Variants in DEPDC5 observed in about 807,000 individuals in gnomAD.
DEPDC5 encodes the protein GATOR1 complex protein DEPDC5.
In DEPDC5, 73 loss-of-function variants were observed where a neutral mutation model predicts 217.3. That is an observed-to-expected ratio of 0.34 (90% CI 0.28 to 0.41). DEPDC5 has a LOEUF of 0.41. Among genes scored for constraint, DEPDC5 ranks in the 10% least tolerant of loss-of-function variants. The probability of loss-of-function intolerance (pLI) is 1.00; values close to 1 mark genes in which losing one functional copy is unlikely to be tolerated. For synonymous variants in DEPDC5, 733 were observed against 756.7 expected (o/e 0.97, Z 0.51); for missense variants, 1,675 against 2,070.1 (o/e 0.81, Z 3.70).
rs564621022 is a variant in DEPDC5 at position 31,805,403 on chromosome 22, C to T, written c.1217+488C>T. ...CTTCCAAGATCCAACTCCAGCATCT[C>T]TCTTTTATGAATTCCTCCTGTGCTG... On this transcript the variant is annotated intron_variant, in intron 17 of 42. Transcript: ENST00000651528. 3.3e-5 allele frequency among the ~76,000 whole-genome samples: 5 copies of T among 152,306 alleles called. No individual in the cohort carries two copies. In the South Asian group the frequency reaches 1.0e-3, roughly 32 times the overall value.
intron 33 of DEPDC5, among the ~76,000 whole-genome samples, chr22:31,866,084 C>G (rs138673421): frequency 6.6e-6 from 1 of 152,100 alleles, no homozygotes; most frequent in Non-Finnish European, 1.5e-5. Flanking sequence ...GACAAGCCCA[C>G]GAGGTGGAAG....
chr22:31,889,516 T>A (rs1322265801), intron 38 of DEPDC5, among the ~76,000 whole-genome samples: 1 of 151,116 alleles, frequency 6.6e-6, no homozygotes, highest in African/African-American at 2.4e-5. Flanking sequence ...AAACACACAG[T>A]GTCCAAGACC....
chr22:31,826,643 A>T (rs369650812), intron 24 of DEPDC5, among the ~76,000 whole-genome samples: 1 of 152,064 alleles, frequency 6.6e-6, no homozygotes, highest in Non-Finnish European at 1.5e-5. Flanking sequence ...TGTGTTAGGC[A>T]TGTTTCCGCA....
Position 31,810,657 on chromosome 22 carries a change from C to G in DEPDC5, c.1445+16C>G. The G allele has an allele frequency of 6.2e-7, 1 of 1,613,886 alleles. No homozygotes were observed. On this transcript the variant is annotated intron_variant, in intron 20 of 42. Coordinates refer to ENST00000651528, the MANE Select transcript of DEPDC5 (RefSeq NM_001242896.3). ...CCACCTGCAGGTTTTCTGCCAGATTCACTTGGGGGTGCATATAAAAATTGT... is the reference window on the plus strand; with the variant it reads ...CCACCTGCAGGTTTTCTGCCAGATTGACTTGGGGGTGCATATAAAAATTGT...
At chr22:31,897,724 G>T in intron 40 of DEPDC5, 71 bp downstream of exon 40, 1 of 1,555,190 alleles carries the variant, frequency 6.4e-7, no homozygotes, top group Non-Finnish European at 8.7e-7. Context: ...CACCACTCTG[G>T]GTATCCAGTC....
chr22:31,798,624 A>G lies in DEPDC5; in HGVS notation c.914A>G (p.Asn305Ser). The G allele has an allele frequency of 6.2e-7, 1 of 1,611,996 alleles. No homozygotes were observed. Among genetic ancestry groups the G allele is most frequent in the Non-Finnish European group, 8.5e-7 (1 of 1,178,632 alleles). Residue 305 changes from asparagine to serine, a missense_variant, in exon 14 of 43, where the codon AAC becomes AGC. Asn to Ser is a conservative substitution (Grantham distance 46). This residue lies in a region of DEPDC5 where 628 missense variants were observed against 762.1 expected (regional missense o/e 0.82). Coordinates refer to ENST00000651528, the MANE Select transcript of DEPDC5 (RefSeq NM_001242896.3). ...GATAATTCTACCTCAGCACAAGGAA[A>G]CTACCTGGAGGCCATCAATCTGTCA... is the stretch of plus-strand genomic sequence containing the variant. Reference protein sequence around the residue: ...QGDNSTSAQGNYLEAINLSFN... With the variant: ...QGDNSTSAQGSYLEAINLSFN...
chr22:31,883,132 C>T (rs954734459), intron 38 of DEPDC5, among the ~76,000 whole-genome samples: 1 of 152,120 alleles, frequency 6.6e-6, no homozygotes, highest in Admixed American at 6.5e-5. Flanking sequence ...CACTACCAGC[C>T]CCACCCAGTG....
At chr22:31,815,889 C>T (rs1196204204) in intron 21 of DEPDC5, 1 of 1,060,572 alleles carries the variant, frequency 9.4e-7, no homozygotes, top group Non-Finnish European at 1.1e-6. Flanking sequence ...AACTGTATGC[C>T]TTTCCATATG....
intron 38 of DEPDC5, among the ~76,000 whole-genome samples, chr22:31,890,070 G>A (rs2093407876): frequency 6.6e-6 from 1 of 152,104 alleles, no homozygotes. Flanking sequence ...GAAAAGAGGA[G>A]AGTTACAAGT....
intron 2 of DEPDC5, among the ~76,000 whole-genome samples, chr22:31,756,784 G>A (rs1466924246): frequency 6.6e-6 from 1 of 151,914 alleles, no homozygotes; most frequent in African/African-American, 2.4e-5. Context: ...AGCCAGGTGT[G>A]GTGGTGCGTG....
At chr22:31,851,710 A>G (rs2092036334) in intron 31 of DEPDC5, among the ~76,000 whole-genome samples, 1 of 152,168 alleles carries the variant, frequency 6.6e-6, no homozygotes, top group South Asian at 2.1e-4. Context: ...CTAGACCTTG[A>G]CTGTATGGTA....
At chr22:31,859,392 T>TC (rs1376434740) in intron 32 of DEPDC5, among the ~76,000 whole-genome samples, 1 of 148,434 alleles carries the variant, frequency 6.7e-6, no homozygotes, top group Non-Finnish European at 1.5e-5. Context: ...CGCCCGGCTT[T>TC]TTTTTTTTTT....
chr22:31,807,054 G>C (rs1246941689), intron 18 of DEPDC5, among the ~76,000 whole-genome samples: 1 of 152,146 alleles, frequency 6.6e-6, no homozygotes, highest in Non-Finnish European at 1.5e-5. Flanking sequence ...ATTGTAACAA[G>C]AGTGGGAATT....
intron 7 of DEPDC5, among the ~76,000 whole-genome samples, chr22:31,775,347 T>G (rs1044451156): frequency 6.6e-5 from 10 of 151,932 alleles, no homozygotes; most frequent in Admixed American, 6.6e-4. Flanking sequence ...GCCTGGCTAA[T>G]TTTTGTGTTT....
intron 14 of DEPDC5, among the ~76,000 whole-genome samples, chr22:31,799,306 G>C (rs560451357): frequency 6.7e-6 from 1 of 150,340 alleles, no homozygotes; most frequent in East Asian, 2.0e-4. Flanking sequence ...GCCTCCCAAA[G>C]TGTTGGGATT....
intron 31 of DEPDC5, 33 bp from the exon 32 acceptor site, chr22:31,857,412 C>A: frequency 6.4e-7 from 1 of 1,551,670 alleles, no homozygotes; most frequent in Non-Finnish European, 8.7e-7. Context: ...GAGCTCTGAG[C>A]AAGCTGCTGT....
chr22:31,794,787 G>A (rs2148536418), intron 12 of DEPDC5, among the ~76,000 whole-genome samples: 1 of 152,220 alleles, frequency 6.6e-6, no homozygotes, highest in South Asian at 2.1e-4. Flanking sequence ...TTGGGAGGCT[G>A]AGGTGGGAGG....
intron 40 of DEPDC5, among the ~76,000 whole-genome samples, chr22:31,899,993 T>C (rs2093621018): frequency 6.6e-6 from 1 of 152,194 alleles, no homozygotes; most frequent in African/African-American, 2.4e-5. Flanking sequence ...AGCGGACTTA[T>C]CTTTTCTGCT....
intron 41 of DEPDC5, among the ~76,000 whole-genome samples, chr22:31,904,853 T>C (rs2093728810): frequency 6.6e-6 from 1 of 152,116 alleles, no homozygotes; most frequent in South Asian, 2.1e-4. Context: ...TTTGACTTCA[T>C]GTATTCTTTG....
Sources: gnomAD v4.1 joint callset for allele counts (sites outside exome capture counted in the v4.1 genomes callset) on GRCh38, gnomAD v4.1.1 for gene constraint, gnomAD v4.1.1 regional missense constraint, MANE v1.5 for transcripts, NCBI Gene and HGNC (gene_info 2026-07-23, HGNC 2026-07-21) for gene names.